The following AKAP12 variants were observed in gnomAD, a reference collection of about 807,000 sequenced individuals.
The protein encoded by AKAP12 is A-kinase anchor protein 12.
Under a neutral mutation model 79.9 loss-of-function variants are expected in AKAP12, and 32 were observed. The observed-to-expected ratio is 0.40, with a 90% CI of 0.30 to 0.54. The LOEUF (loss-of-function observed/expected upper bound fraction) is 0.54. Among genes scored for constraint, AKAP12 ranks in the 20% least tolerant of loss-of-function variants. The pLI, the probability that AKAP12 is intolerant of heterozygous loss-of-function variation, is 0.48. For synonymous variants in AKAP12, 808 were observed against 857.0 expected (o/e 0.94, Z 1.00); for missense variants, 2,074 against 2,177.0 (o/e 0.95, Z 0.94).
At chr6:151,333,694 G>C (rs202014205) in intron 3 of AKAP12, among the ~76,000 whole-genome samples, 2 of 149,298 alleles carry the variant, frequency 1.3e-5, no homozygotes, top group East Asian at 3.9e-4. Context: ...AGTCGAGATC[G>C]CACCACTGCA....
At position 151,276,127 on chromosome 6, in the gene AKAP12, A is replaced by C. The variant is rs147386433; in HGVS notation, c.163-29620A>C. 6.6e-3 allele frequency among the ~76,000 whole-genome samples: 1,006 copies of C among 152,330 alleles called. 9 individuals are homozygous for C. Among genetic ancestry groups the C allele is most frequent in the African/African-American group, 0.022 (908 of 41,580 alleles). On this transcript the variant is annotated intron_variant, in intron 2 of 4. Transcript: ENST00000402676. ...TAAACATACTTTTGGTGTAGTTTTGAGCCTAAGGAGACCTTGAAATGCAAT... is the reference window on the plus strand; with the variant it reads ...TAAACATACTTTTGGTGTAGTTTTGCGCCTAAGGAGACCTTGAAATGCAAT...
intron 2 of AKAP12, among the ~76,000 whole-genome samples, chr6:151,253,195 G>A (rs1428431534): frequency 1.3e-5 from 2 of 152,074 alleles, no homozygotes; most frequent in African/African-American, 4.8e-5. Context: ...ACTCTGTAAA[G>A]TATATTTTGT....
chr6:151,257,534 C>T (rs1267377147), intron 2 of AKAP12, among the ~76,000 whole-genome samples: 3 of 152,046 alleles, frequency 2.0e-5, no homozygotes, highest in Non-Finnish European at 4.4e-5. Context: ...TGACCTCAAG[C>T]GATCCACCCA....
chr6:151,315,250 T>C (rs1335025090), intron 3 of AKAP12, among the ~76,000 whole-genome samples: 1 of 152,200 alleles, frequency 6.6e-6, no homozygotes, highest in Admixed American at 6.5e-5. Flanking sequence ...TTACTTATAG[T>C]TCTGGAGGCT....
rs1040063798 is a variant in AKAP12, at chr6:151,305,921, G to A, written c.319+18G>A. ...CACAGAGGGTAAGCCGCCCCTCCAG[G>A]AACTGGAAGGCACACAGCACTTGCA... On this transcript the variant is annotated intron_variant, in intron 3 of 4. Transcript: ENST00000402676. The A allele has an allele frequency of 2.5e-6, 4 of 1,589,842 alleles. No homozygotes were observed. The highest frequency in any genetic ancestry group is 1.8e-5 in the Admixed American group (1 of 55,598).
At chr6:151,265,804 T>C (rs1797540716) in intron 2 of AKAP12, among the ~76,000 whole-genome samples, 1 of 152,200 alleles carries the variant, frequency 6.6e-6, no homozygotes, top group Admixed American at 6.5e-5. Flanking sequence ...ATAACCTTCC[T>C]GGGCTTCAGT....
rs1237496259 is a variant in AKAP12 at position 151,351,095 on chromosome 6, G to T, written c.2704G>T (p.Ala902Ser). Residue 902 changes from alanine to serine, a missense_variant, in exon 4 of 5, where the codon GCA (alanine) becomes TCA (serine). By Grantham distance (99) the Ala-to-Ser change is moderately conservative. Coordinates refer to ENST00000402676, the MANE Select transcript of AKAP12 (RefSeq NM_005100.4). This position sits in a 1 kb window ranked among gnomAD's most constrained non-coding sequence, Gnocchi z 4.4. The stretch of plus-strand genomic sequence containing the variant: ...AGCAGCTGTCGCTGACGGGACGAGG[G>T]CAGCTACCATTATTGAAGAAAGGTC... Reference protein sequence around the residue: ...MAAAVADGTRAATIIEERSPS... With the variant: ...MAAAVADGTRSATIIEERSPS... 1 of 1,614,188 alleles carries T rather than the reference G, an allele frequency of 6.2e-7. No homozygotes were observed. The highest frequency in any genetic ancestry group is 1.3e-5 in the African/African-American group (1 of 75,046).
In AKAP12 at chr6:151,255,367, T is replaced by C. The variant is rs141005768; in HGVS notation, c.162+14643T>C. 3.2e-3 allele frequency among the ~76,000 whole-genome samples: 486 copies of C among 152,158 alleles called. 3 individuals are homozygous for C. Among genetic ancestry groups the C allele is most frequent in the Non-Finnish European group, 2.2e-3 (149 of 67,982 alleles). On this transcript the variant is annotated intron_variant, in intron 2 of 4. Transcript: ENST00000402676. ...TTAGTAGAGACGAGGCTTCTCCATG[T>C]TGAGGGTGGTCTCGAACTCCTGACA... is the stretch of plus-strand genomic sequence containing the variant.
chr6:151,284,850 T>G (rs1748039379), intron 2 of AKAP12, among the ~76,000 whole-genome samples: 1 of 152,164 alleles, frequency 6.6e-6, no homozygotes, highest in South Asian at 2.1e-4. Context: ...ACTTGACGCA[T>G]CCAGATGACA....
At chr6:151,348,463 A>G (rs930306500) in intron 3 of AKAP12, 55 of 577,462 alleles carry the variant, frequency 9.5e-5, no homozygotes, top group Admixed American at 3.0e-4. Context: ...ACATAGTGAG[A>G]TCTCATCTCT....
At chr6:151,333,392 C>T (rs1777729114) in intron 3 of AKAP12, among the ~76,000 whole-genome samples, 1 of 152,202 alleles carries the variant, frequency 6.6e-6, no homozygotes, top group Non-Finnish European at 1.5e-5. Flanking sequence ...TTAACAGCCT[C>T]CCGCTGTGTT....
intron 2 of AKAP12, among the ~76,000 whole-genome samples, chr6:151,278,302 G>A (rs1385185036): frequency 6.6e-6 from 1 of 152,080 alleles, no homozygotes; most frequent in Non-Finnish European, 1.5e-5. Context: ...TGCAGGCTTC[G>A]CCTCCTGGGT....
intron 2 of AKAP12, among the ~76,000 whole-genome samples, chr6:151,279,833 T>C (rs1776362656): frequency 6.6e-6 from 1 of 151,960 alleles, no homozygotes; most frequent in South Asian, 2.1e-4. Flanking sequence ...GGTGATGGAG[T>C]GAGACCTGGT....
At position 151,350,473 on chromosome 6, in the gene AKAP12, A is replaced by C; in HGVS notation, c.2082A>C (p.Arg694Ser). 6.2e-7 allele frequency: 1 copy of C among 1,614,118 alleles called. No homozygotes were observed. Residue 694 changes from arginine to serine, a missense_variant, in exon 4 of 5, where the codon AGA (arginine) becomes AGC (serine). Arg to Ser is a moderately radical substitution (Grantham distance 110, BLOSUM62 -1). This residue lies in a region of AKAP12 where 1,428 missense variants were observed against 1,451.0 expected (regional missense o/e 0.98). Transcript: ENST00000402676. The surrounding 1 kb of genome is among the most constrained non-coding windows in gnomAD (Gnocchi z 4.8). ...GATCATCCAAGAAAAGAGCAAGGAG[A>C]GGGTCCTCTTCTGATGAGGAAGGGG... is the stretch of plus-strand genomic sequence containing the variant. Reference protein sequence around the residue: ...CVGSSKKRARRGSSSDEEGGP... With the variant: ...CVGSSKKRARSGSSSDEEGGP...
chr6:151,285,948 G>A (rs567762578), intron 2 of AKAP12, among the ~76,000 whole-genome samples: 4 of 150,560 alleles, frequency 2.7e-5, no homozygotes, highest in Admixed American at 1.3e-4. Context: ...CGCAATCTCC[G>A]TTCTCTGCAA....
chr6:151,305,972 ACT>A, intron 3 of AKAP12, 69 bp downstream of exon 3: 4 of 1,458,270 alleles, frequency 2.7e-6, no homozygotes, highest in East Asian at 2.5e-5. Flanking sequence ...AGCAGAAAAT[ACT>A]CTGTCATACT....
Position 151,350,032 on chromosome 6 carries a change from C to T in AKAP12, c.1641C>T (p.His547=), listed in dbSNP as rs1392038761. ...GAGGAGACGAGGAATCAGGGGAGCACACTCAGGTTCCAGCCGATTCTCCGG... is the reference window on the plus strand; with the variant it reads ...GAGGAGACGAGGAATCAGGGGAGCATACTCAGGTTCCAGCCGATTCTCCGG... ...RGGGDEESGE[H]TQVPADSPDS... Residue 547 remains histidine (H), a synonymous_variant, in exon 4 of 5, where the codon CAC becomes CAT. Coordinates refer to ENST00000402676, the MANE Select transcript of AKAP12 (RefSeq NM_005100.4). This position sits in a 1 kb window ranked among gnomAD's most constrained non-coding sequence, Gnocchi z 4.8. The T allele has an allele frequency of 4.3e-6, 7 of 1,613,902 alleles. No homozygotes were observed. Among genetic ancestry groups the T allele is most frequent in the Non-Finnish European group, 5.9e-6 (7 of 1,180,022 alleles).
At chr6:151,334,477 C>A (rs1777759119) in intron 3 of AKAP12, among the ~76,000 whole-genome samples, 2 of 151,826 alleles carry the variant, frequency 1.3e-5, no homozygotes, top group Non-Finnish European at 2.9e-5. Context: ...TGCCTGTAGT[C>A]CCAGCTACTC....
chr6:151,249,948 A>G (rs1332035404), intron 2 of AKAP12, among the ~76,000 whole-genome samples: 1 of 152,148 alleles, frequency 6.6e-6, no homozygotes, highest in Non-Finnish European at 1.5e-5. Flanking sequence ...GCTCGTGGGC[A>G]TGGTGGCTCA....
Sources: gnomAD v4.1 joint callset for allele counts (sites outside exome capture counted in the v4.1 genomes callset) on GRCh38, gnomAD v4.1.1 for gene constraint, gnomAD v4.1.1 regional missense constraint, Gnocchi (gnomAD v3.1) non-coding constraint, MANE v1.5 for transcripts, NCBI Gene and HGNC (gene_info 2026-07-23, HGNC 2026-07-21) for gene names.